Variants in SH3GL2 observed in about 807,000 individuals in gnomAD.
SH3GL2 encodes the protein endophilin-A1.
Under a neutral mutation model 46.0 loss-of-function variants are expected in SH3GL2, and 24 were observed. The ratio of observed to expected loss-of-function variants is 0.52; its 90% confidence interval spans 0.38 to 0.73. The LOEUF (loss-of-function observed/expected upper bound fraction) is 0.73, where lower values mean the gene tolerates loss of function less well. SH3GL2 is among the 30% of genes least tolerant of loss of function. The pLI, the probability that SH3GL2 is intolerant of heterozygous loss-of-function variation, is 0.00. For missense variants in SH3GL2, 413 were observed against 424.2 expected (o/e 0.97, Z 0.23); for synonymous variants, 196 against 147.1 (o/e 1.33, Z -2.40).
At chr9:17,782,803 G>A (rs1331214293) in intron 3 of SH3GL2, among the ~76,000 whole-genome samples, 1 of 152,132 alleles carries the variant, frequency 6.6e-6, no homozygotes, top group Non-Finnish European at 1.5e-5. Context: ...AGTACACAGT[G>A]GGGAAGAGCA....
chr9:17,739,664 G>T (rs3808687), intron 1 of SH3GL2, among the ~76,000 whole-genome samples: 2 of 151,868 alleles, frequency 1.3e-5, no homozygotes, highest in Non-Finnish European at 2.9e-5. Flanking sequence ...AACATTTTCT[G>T]TAAGGCAAAA....
chr9:17,587,161 C>T (rs1009827637), intron 1 of SH3GL2, among the ~76,000 whole-genome samples: 2 of 152,108 alleles, frequency 1.3e-5, no homozygotes, highest in African/African-American at 2.4e-5. Flanking sequence ...AAGATCACAC[C>T]GTTGCACTCC....
intron 5 of SH3GL2, among the ~76,000 whole-genome samples, chr9:17,789,145 T>C (rs907034505): frequency 6.6e-6 from 1 of 152,178 alleles, no homozygotes; most frequent in Non-Finnish European, 1.5e-5. Context: ...GGCCAGAAAA[T>C]AAAGGGCACT....
At chr9:17,605,961 C>T (rs994063082) in intron 1 of SH3GL2, among the ~76,000 whole-genome samples, 1 of 152,112 alleles carries the variant, frequency 6.6e-6, no homozygotes, top group African/African-American at 2.4e-5. Context: ...ATTTTTTGAA[C>T]TCTGACACTC....
intron 2 of SH3GL2, among the ~76,000 whole-genome samples, chr9:17,758,160 T>G (rs763346660): frequency 7.2e-5 from 11 of 152,302 alleles, no homozygotes; most frequent in South Asian, 2.1e-4. Context: ...CTCCTTTCCC[T>G]TCTCTAGGCC....
At chr9:17,613,688 T>C (rs1818919151) in intron 1 of SH3GL2, among the ~76,000 whole-genome samples, 1 of 152,192 alleles carries the variant, frequency 6.6e-6, no homozygotes, top group African/African-American at 2.4e-5. Flanking sequence ...GGCTCTCTGG[T>C]GATCATTTTA....
chr9:17,789,860 G>C (rs1235074250), intron 6 of SH3GL2: 1 of 685,590 alleles, frequency 1.5e-6, no homozygotes, highest in Non-Finnish European at 1.8e-6. Context: ...CGCATTAAAA[G>C]TAAAAAACAG....
intron 1 of SH3GL2, among the ~76,000 whole-genome samples, chr9:17,586,904 C>G (rs1818387282): frequency 6.6e-6 from 1 of 152,190 alleles, no homozygotes; most frequent in Non-Finnish European, 1.5e-5. Flanking sequence ...ATAGCCTATG[C>G]TTTTAAACGT....
At chr9:17,782,023 A>G (rs1330779074) in intron 3 of SH3GL2, among the ~76,000 whole-genome samples, 1 of 152,136 alleles carries the variant, frequency 6.6e-6, no homozygotes, top group Non-Finnish European at 1.5e-5. Context: ...GAGTCCCCCT[A>G]GACATAGCAC....
intron 1 of SH3GL2, among the ~76,000 whole-genome samples, chr9:17,690,182 A>G (rs3780232): frequency 0.41 from 61,599 of 151,822 alleles, 13,004 homozygotes; most frequent in South Asian, 0.57. Context: ...CACCCCCACA[A>G]TATCTAGCTA....
rs377561612 is a variant in SH3GL2, at chr9:17,610,972, G to A, written c.45+31685G>A. The stretch of plus-strand genomic sequence containing the variant: ...ATATAGAGAAGATGTGAGTGCCAAA[G>A]TGTTAAATAAAACCCTTATTTCTTC... On this transcript the variant is annotated intron_variant, in intron 1 of 8. Transcript: ENST00000380607. Among the ~76,000 whole-genome samples the A allele has an allele frequency of 1.2e-3, 189 of 152,266 alleles. 4 individuals carry two copies. In the South Asian group the frequency reaches 0.038, roughly 31 times the overall value.
intron 2 of SH3GL2, among the ~76,000 whole-genome samples, chr9:17,750,307 C>T (rs528689731): frequency 6.6e-6 from 1 of 151,992 alleles, no homozygotes; most frequent in Admixed American, 6.5e-5. Context: ...CATCTGTATT[C>T]TCGGAGGTGC....
intron 1 of SH3GL2, among the ~76,000 whole-genome samples, chr9:17,593,224 A>G (rs1414316288): frequency 6.6e-6 from 1 of 152,198 alleles, no homozygotes; most frequent in African/African-American, 2.4e-5. Context: ...TAGTTGAATC[A>G]CAGGAGGGAG....
At chr9:17,724,053 G>A (rs1044855020) in intron 1 of SH3GL2, among the ~76,000 whole-genome samples, 1 of 152,018 alleles carries the variant, frequency 6.6e-6, no homozygotes, top group Non-Finnish European at 1.5e-5. Context: ...TTTTAGCTAT[G>A]ATTTCTTTGA....
chr9:17,703,250 A>G (rs1194378653), intron 1 of SH3GL2, among the ~76,000 whole-genome samples: 4 of 152,122 alleles, frequency 2.6e-5, no homozygotes, highest in Admixed American at 2.6e-4. Context: ...AAAAACAATA[A>G]AAATATTTTA....
At chr9:17,675,685 G>A (rs776155048) in intron 1 of SH3GL2, among the ~76,000 whole-genome samples, 4 of 152,182 alleles carry the variant, frequency 2.6e-5, no homozygotes, top group Admixed American at 6.6e-5. Context: ...AGTGGCTCAC[G>A]CCTGTAATCT....
intron 1 of SH3GL2, among the ~76,000 whole-genome samples, chr9:17,738,539 TACATAAGTGTGTGTGTATATACATAC>T (rs1373552457): frequency 0.016 from 1,431 of 86,812 alleles, 38 homozygotes; most frequent in Middle Eastern, 0.038. Flanking sequence ...CATACATATA[TACATAAGTGTGTGTGTATATACATAC>T]ATATATATAT....
At chr9:17,794,942 G>A (rs1479691970) in intron 8 of SH3GL2, among the ~76,000 whole-genome samples, 7 of 152,214 alleles carry the variant, frequency 4.6e-5, no homozygotes, top group East Asian at 1.9e-4. Context: ...AACTGAGAGC[G>A]AAGTACCATG....
intron 1 of SH3GL2, among the ~76,000 whole-genome samples, chr9:17,612,962 G>A (rs954562126): frequency 5.9e-5 from 9 of 152,182 alleles, no homozygotes; most frequent in Non-Finnish European, 1.3e-4. Flanking sequence ...GGTCTTTAGT[G>A]TCTGAATTTT....
Sources: allele counts gnomAD v4.1 joint callset (sites outside exome capture counted in the v4.1 genomes callset), GRCh38; gene constraint gnomAD v4.1.1; transcripts MANE v1.5; gene names NCBI Gene and HGNC (gene_info 2026-07-23, HGNC 2026-07-21).